The following ZNF131 variants were observed in gnomAD, a reference collection of about 807,000 sequenced individuals.
ZNF131 encodes the protein zinc finger protein 131.
In ZNF131, 7 loss-of-function variants were observed where a neutral mutation model predicts 60.0. The observed-to-expected ratio is 0.12, with a 90% CI of 0.07 to 0.22. The LOEUF (loss-of-function observed/expected upper bound fraction) is 0.22, where lower values mean the gene tolerates loss of function less well. Ranked by LOEUF, ZNF131 falls within the 10% of genes least tolerant of loss-of-function variation. The pLI is 1.00. For synonymous variants in ZNF131, 257 were observed against 253.2 expected (o/e 1.01, Z -0.14); for missense variants, 493 against 740.9 (o/e 0.67, Z 3.88).
At chr5:43,143,063 A>G (rs1419313084) in intron 4 of ZNF131, among the ~76,000 whole-genome samples, 1 of 136,310 alleles carries the variant, frequency 7.3e-6, no homozygotes, top group Non-Finnish European at 1.5e-5. Flanking sequence ...TCTCACTGTT[A>G]CCAGGATGGA....
rs1464962253 is a variant in ZNF131, at chr5:43,161,903, T to C, written c.1026T>C (p.His342=). The C allele has an allele frequency of 6.3e-7, 1 of 1,596,492 alleles. No homozygotes were observed. Reference sequence around the variant, plus strand: ...AGAAACAGTTTGACCATTTTGGACATTTTAAAGAACATCTTCGAAAACATA... The same window carrying C: ...AGAAACAGTTTGACCATTTTGGACACTTTAAAGAACATCTTCGAAAACATA... The part of the protein sequence containing the change: ...YCEKQFDHFG[H]FKEHLRKHTG... Residue 342 remains histidine (H), a synonymous_variant, in exon 5 of 7, where the codon CAT becomes CAC. Coordinates refer to ENST00000682664, the MANE Select transcript of ZNF131 (RefSeq NM_001330707.2).
rs1391158699 is a variant in ZNF131 at position 43,175,355 on chromosome 5, A to G, written c.*222A>G. 2.9e-6 allele frequency: 2 copies of G among 678,936 alleles called. No individual in the cohort carries two copies. The highest frequency in any genetic ancestry group is 2.6e-6 in the Non-Finnish European group (1 of 383,012). 42.1% of individuals were successfully genotyped at this position (678,936 alleles called of 1,614,324 possible). On this transcript the variant is annotated 3_prime_UTR_variant, in exon 7 of 7. Coordinates refer to ENST00000682664, the MANE Select transcript of ZNF131 (RefSeq NM_001330707.2). ...TAACTGAAGGGGAGTTTTGAGAAGT[A>G]TATTTCTGGAAACTTAAATGGATTA...
intron 5 of ZNF131, chr5:43,168,136 A>C (rs1040203817): frequency 3.2e-5 from 10 of 309,670 alleles, no homozygotes; most frequent in African/African-American, 2.2e-4. Context: ...GAATGGATTA[A>C]TCTCTTCATG....
At chr5:43,165,433 C>T (rs1047697536) in intron 5 of ZNF131, among the ~76,000 whole-genome samples, 6 of 152,158 alleles carry the variant, frequency 3.9e-5, no homozygotes, top group African/African-American at 1.4e-4. Flanking sequence ...GATCTGTGGG[C>T]TGCAGAATGG....
chr5:43,168,302 A>G (rs1277273712), intron 5 of ZNF131, among the ~76,000 whole-genome samples: 1 of 152,252 alleles, frequency 6.6e-6, no homozygotes, highest in African/African-American at 2.4e-5. Flanking sequence ...TGACTCAGAA[A>G]GGAAAAGGAG....
At chr5:43,156,257 A>G (rs1276402998) in intron 4 of ZNF131, among the ~76,000 whole-genome samples, 1 of 152,108 alleles carries the variant, frequency 6.6e-6, no homozygotes, top group Non-Finnish European at 1.5e-5. Context: ...TCCTCTCCCC[A>G]TGGAAAAGTG....
intron 6 of ZNF131, among the ~76,000 whole-genome samples, chr5:43,174,214 G>A (rs976294771): frequency 1.3e-5 from 2 of 152,178 alleles, no homozygotes; most frequent in Non-Finnish European, 2.9e-5. Flanking sequence ...GGCAACAAGA[G>A]CGAGACTTTG....
intron 3 of ZNF131, among the ~76,000 whole-genome samples, chr5:43,137,184 C>A (rs1746224681): frequency 6.6e-6 from 1 of 151,886 alleles, no homozygotes; most frequent in South Asian, 2.1e-4. Context: ...AAAAGCACAG[C>A]CAACAACAGA....
chr5:43,175,375 G>A lies in ZNF131; in HGVS notation c.*242G>A. ...GAAGTATATTTCTGGAAACTTAAATGGATTATATTCTTATTATATAGTTGG... is the reference window on the plus strand; with the variant it reads ...GAAGTATATTTCTGGAAACTTAAATAGATTATATTCTTATTATATAGTTGG... On this transcript the variant is annotated 3_prime_UTR_variant, in exon 7 of 7. Coordinates refer to ENST00000682664, the MANE Select transcript of ZNF131 (RefSeq NM_001330707.2). The A allele has an allele frequency of 2.9e-6, 2 of 679,000 alleles. No homozygotes were observed. Among genetic ancestry groups the A allele is most frequent in the Non-Finnish European group, 5.2e-6 (2 of 380,970 alleles). 42.1% of individuals were successfully genotyped at this position (679,000 alleles called of 1,614,324 possible).
At chr5:43,140,429 G>A (rs1016057669) in intron 4 of ZNF131, among the ~76,000 whole-genome samples, 9 of 152,160 alleles carry the variant, frequency 5.9e-5, no homozygotes, top group South Asian at 2.1e-4. Flanking sequence ...TGTCAAATGA[G>A]AGTAATAACG....
intron 3 of ZNF131, chr5:43,124,306 TG>T (rs1744235541): frequency 1.3e-5 from 2 of 152,192 alleles, no homozygotes; most frequent in Non-Finnish European, 2.9e-5. Context: ...AATAAATGTT[TG>T]CCTACGTAAT....
chr5:43,133,008 A>C (rs1159953730), intron 3 of ZNF131, among the ~76,000 whole-genome samples: 1 of 152,080 alleles, frequency 6.6e-6, no homozygotes, highest in East Asian at 1.9e-4. Context: ...ATCTATGTTA[A>C]ATGTAGGTTT....
chr5:43,133,917 G>A (rs1745682784), intron 3 of ZNF131, among the ~76,000 whole-genome samples: 2 of 152,112 alleles, frequency 1.3e-5, no homozygotes, highest in African/African-American at 2.4e-5. Flanking sequence ...GAAAAGCGTA[G>A]GACCAGATGG....
intron 3 of ZNF131, among the ~76,000 whole-genome samples, chr5:43,135,042 C>G (rs579337): frequency 0.28 from 40,365 of 143,472 alleles, 5,957 homozygotes; most frequent in East Asian, 0.64. Flanking sequence ...CTTGTTGCCC[C>G]GGCTGGAGTG....
chr5:43,121,463 T>A, intron 1 of ZNF131: 1 of 152,500 alleles, frequency 6.6e-6, no homozygotes, highest in South Asian at 2.0e-4. Flanking sequence ...CCCGTTCCCT[T>A]GCTGGTCGGC....
intron 4 of ZNF131, among the ~76,000 whole-genome samples, chr5:43,149,021 TG>T (rs1200859836): frequency 1.3e-5 from 2 of 152,244 alleles, no homozygotes; most frequent in Non-Finnish European, 2.9e-5. Flanking sequence ...GGCTCACACC[TG>T]TAATCCCAGC....
intron 5 of ZNF131, 59 bp from the exon 6 acceptor site, chr5:43,173,259 A>G: frequency 6.9e-7 from 1 of 1,440,064 alleles, no homozygotes; most frequent in Non-Finnish European, 9.3e-7. Flanking sequence ...AACGTTTAAA[A>G]TTATTTGCTC....
At chr5:43,171,946 G>A (rs1007876741) in intron 5 of ZNF131, among the ~76,000 whole-genome samples, 2 of 152,056 alleles carry the variant, frequency 1.3e-5, no homozygotes, top group Admixed American at 6.6e-5. Flanking sequence ...AATAGAGATG[G>A]GGTCTCACTA....
chr5:43,169,541 A>T (rs1048431282), intron 5 of ZNF131, among the ~76,000 whole-genome samples: 1 of 152,132 alleles, frequency 6.6e-6, no homozygotes, highest in Non-Finnish European at 1.5e-5. Context: ...GCATTATGCC[A>T]TTTAATTTAT....
Sources: allele counts gnomAD v4.1 joint callset (sites outside exome capture counted in the v4.1 genomes callset), GRCh38; gene constraint gnomAD v4.1.1; transcripts MANE v1.5; gene names NCBI Gene and HGNC (gene_info 2026-07-23, HGNC 2026-07-21).